NFIB: variants seen among roughly 807,000 people sequenced by gnomAD.
NFIB encodes the protein nuclear factor I B.
In NFIB, 11 loss-of-function variants were observed where a neutral mutation model predicts 61.5. That is an observed-to-expected ratio of 0.18 (90% CI 0.11 to 0.30). The LOEUF (loss-of-function observed/expected upper bound fraction) is 0.30. NFIB is among the 10% of genes least tolerant of loss of function. The pLI is 1.00. For synonymous variants in NFIB, 260 were observed against 216.5 expected (o/e 1.20, Z -1.76); for missense variants, 471 against 608.9 (o/e 0.77, Z 2.38).
At chr9:14,427,424 A>T in the NFIB span, among the ~76,000 whole-genome samples, 1 of 152,294 alleles carries the variant, frequency 6.6e-6, no homozygotes, top group East Asian at 1.9e-4. Flanking sequence ...CATGAGGATA[A>T]ACTGAGGTAC....
At chr9:14,150,062 A>T (rs2042692936) in intron 5 of NFIB, 83 bp downstream of exon 5, 1 of 1,564,132 alleles carries the variant, frequency 6.4e-7, no homozygotes, top group Non-Finnish European at 8.7e-7. Flanking sequence ...CTCTTTACCT[A>T]CCTACCTATC....
the NFIB span, among the ~76,000 whole-genome samples, chr9:14,468,973 G>C: frequency 6.6e-6 from 1 of 152,134 alleles, no homozygotes; most frequent in Non-Finnish European, 1.5e-5. Context: ...CTAACCGTGT[G>C]CTCCACACTG....
At chr9:14,245,689 A>G (rs2054840253) in intron 2 of NFIB, among the ~76,000 whole-genome samples, 1 of 152,146 alleles carries the variant, frequency 6.6e-6, no homozygotes, top group Non-Finnish European at 1.5e-5. Flanking sequence ...CCTGGCCAAC[A>G]TGGCAAAACC....
At chr9:14,233,325 T>G (rs1056859763) in intron 2 of NFIB, among the ~76,000 whole-genome samples, 1 of 151,974 alleles carries the variant, frequency 6.6e-6, no homozygotes, top group African/African-American at 2.4e-5. Context: ...TCTCAGAAAG[T>G]GATCCTAAAA....
the NFIB span, among the ~76,000 whole-genome samples, chr9:14,487,340 T>G: frequency 6.6e-6 from 1 of 152,228 alleles, no homozygotes; most frequent in Non-Finnish European, 1.5e-5. Flanking sequence ...TGCATCCTGG[T>G]TACCCTTTTA....
At chr9:14,288,265 G>A (rs1214426985) in intron 2 of NFIB, among the ~76,000 whole-genome samples, 1 of 151,950 alleles carries the variant, frequency 6.6e-6, no homozygotes, top group Non-Finnish European at 1.5e-5. Flanking sequence ...AATGTGTATA[G>A]GACATACACT....
chr9:14,514,323 T>TACACACAC, the NFIB span, among the ~76,000 whole-genome samples: 8,326 of 146,968 alleles, frequency 0.057, 252 homozygotes, highest in Non-Finnish European at 0.072. Context: ...CATACATACA[T>TACACACAC]ACATACACAC....
At chr9:14,356,127 C>G (rs1411645630) in intron 1 of NFIB, among the ~76,000 whole-genome samples, 1 of 152,066 alleles carries the variant, frequency 6.6e-6, no homozygotes, top group Non-Finnish European at 1.5e-5. Flanking sequence ...TTATGGGGTC[C>G]CAAACAAAAT....
chr9:14,251,585 A>G (rs577321157), intron 2 of NFIB, among the ~76,000 whole-genome samples: 2 of 152,350 alleles, frequency 1.3e-5, no homozygotes, highest in African/African-American at 4.8e-5. Flanking sequence ...GGTTACTGCA[A>G]GTGGTATCGG....
chr9:14,214,862 A>G (rs1012003924), intron 2 of NFIB, among the ~76,000 whole-genome samples: 1 of 152,238 alleles, frequency 6.6e-6, no homozygotes, highest in Non-Finnish European at 1.5e-5. Context: ...CACAGTGCAG[A>G]GAGCCATCCT....
chr9:14,433,257 G>C, the NFIB span, among the ~76,000 whole-genome samples: 1 of 152,118 alleles, frequency 6.6e-6, no homozygotes, highest in East Asian at 1.9e-4. Flanking sequence ...CCAGTCTTTT[G>C]GAAAATGTCA....
the NFIB span, among the ~76,000 whole-genome samples, chr9:14,433,946 G>A: frequency 6.6e-6 from 1 of 152,290 alleles, no homozygotes; most frequent in Middle Eastern, 3.4e-3. Context: ...CTCCTGCCGT[G>A]ACTCGGATTC....
intron 2 of NFIB, among the ~76,000 whole-genome samples, chr9:14,219,287 G>A (rs746572460): frequency 2.8e-5 from 4 of 141,212 alleles, no homozygotes; most frequent in African/African-American, 5.4e-5. Context: ...GATAAATTAC[G>A]TTACTTTGAA....
At chr9:14,156,717 A>G (rs1052325885) in intron 3 of NFIB, among the ~76,000 whole-genome samples, 1 of 151,926 alleles carries the variant, frequency 6.6e-6, no homozygotes, top group African/African-American at 2.4e-5. Flanking sequence ...CACCCAGCCC[A>G]CCCCATTCTC....
At chr9:14,148,025 T>C (rs1338211177) in intron 5 of NFIB, among the ~76,000 whole-genome samples, 1 of 152,148 alleles carries the variant, frequency 6.6e-6, no homozygotes, top group African/African-American at 2.4e-5. Flanking sequence ...TAAGAAGCTA[T>C]TTTATACCCA....
At chr9:14,308,112 G>A (rs535835601) in intron 1 of NFIB, 1 of 152,222 alleles carries the variant, frequency 6.6e-6, no homozygotes, top group East Asian at 1.9e-4. Context: ...GTGGCACAAA[G>A]AGCATGCGCC....
intron 2 of NFIB, among the ~76,000 whole-genome samples, chr9:14,287,198 G>A (rs2058762712): frequency 6.6e-6 from 1 of 150,940 alleles, no homozygotes. Context: ...CTGGGAGGCC[G>A]AGGCGGGCGG....
intron 2 of NFIB, among the ~76,000 whole-genome samples, chr9:14,196,631 T>G (rs556220676): frequency 6.6e-6 from 1 of 151,464 alleles, no homozygotes; most frequent in African/African-American, 2.4e-5. Context: ...CCAAGGCTCC[T>G]TGAAATCAGG....
At chr9:14,147,414 C>G (rs1179252861) in intron 5 of NFIB, among the ~76,000 whole-genome samples, 1 of 151,946 alleles carries the variant, frequency 6.6e-6, no homozygotes, top group African/African-American at 2.4e-5. Context: ...AAATGTAAAG[C>G]TTTTAGTTAA....
Sources: allele counts gnomAD v4.1 joint callset (sites outside exome capture counted in the v4.1 genomes callset), GRCh38; gene constraint gnomAD v4.1.1; transcripts MANE v1.5; gene names NCBI Gene and HGNC (gene_info 2026-07-23, HGNC 2026-07-21).